Variants in IGFBP6 observed in about 807,000 individuals in gnomAD.
The protein encoded by IGFBP6 is insulin-like growth factor-binding protein 6.
A neutral mutation model predicts 24.5 loss-of-function variants in IGFBP6; 24 were observed. That is an observed-to-expected ratio of 0.98 (90% CI 0.71 to 1.38). The LOEUF is 1.38. Ranked by LOEUF, IGFBP6 falls within the 40% of genes most tolerant of loss-of-function variation. IGFBP6 has a pLI of 0.00. For missense variants in IGFBP6, 331 were observed against 324.8 expected (o/e 1.02, Z -0.15); for synonymous variants, 147 against 137.4 (o/e 1.07, Z -0.49).
Position 53,097,710 on chromosome 12 carries a change from C to T in IGFBP6, c.-8C>T, listed in dbSNP as rs1224494027. 3 of 1,543,580 alleles carry T rather than the reference C, an allele frequency of 1.9e-6. No individual in the cohort carries two copies. Among genetic ancestry groups the T allele is most frequent in the East Asian group, 2.5e-5 (1 of 40,756 alleles). On this transcript the variant is annotated 5_prime_UTR_variant, in exon 1 of 4. Coordinates refer to ENST00000301464, the MANE Select transcript of IGFBP6 (RefSeq NM_002178.3). The stretch of plus-strand genomic sequence containing the variant: ...CTGGAAGGAGAGGACGGGGCACAAA[C>T]CCTGACCATGACCCCCCACAGGCTG...
chr12:53,101,022 C>T lies in IGFBP6; in HGVS notation c.481-19C>T. The T allele has an allele frequency of 1.2e-6, 2 of 1,612,828 alleles. No homozygotes were observed. The highest frequency in any genetic ancestry group is 1.7e-6 in the Non-Finnish European group (2 of 1,179,160). On this transcript the variant is annotated intron_variant, in intron 2 of 3. Transcript: ENST00000301464. ...GCTGGGCTGGAGCGGTTCTAAGCTG[C>T]CTACTCTCCCTTCCCCAGGGCCCAT...
rs1937810787 is a variant in IGFBP6, at chr12:53,100,653, C to T, written c.335-59C>T. 5 of 1,574,214 alleles carry T rather than the reference C, an allele frequency of 3.2e-6. No homozygotes were observed. The South Asian group carries it at 3.3e-5, about 11-fold the overall frequency. On this transcript the variant is annotated intron_variant, in intron 1 of 3. Coordinates refer to ENST00000301464, the MANE Select transcript of IGFBP6 (RefSeq NM_002178.3). Reference sequence around the variant, plus strand: ...ACTTCAGCAGGTGATGTGGGCAAGGCCCTTCTCCACATGGCTCTGCCTGAT... The same window carrying T: ...ACTTCAGCAGGTGATGTGGGCAAGGTCCTTCTCCACATGGCTCTGCCTGAT...
chr12:53,098,076 C>G, intron 1 of IGFBP6, 25 bp downstream of exon 1: 1 of 1,407,580 alleles, frequency 7.1e-7, no homozygotes, highest in Non-Finnish European at 9.2e-7. Context: ...CGCCCCTGCC[C>G]CGCCCACGTG....
Position 53,097,993 on chromosome 12 carries a change from G to A in IGFBP6, c.276G>A (p.Ala92=), listed in dbSNP as rs537843144. ...LQCHPPKDDE[A]PLRALLLGRG... The stretch of plus-strand genomic sequence containing the variant: ...GCCATCCGCCCAAGGACGACGAGGC[G>A]CCTTTGCGGGCGCTGCTGCTCGGCC... The change falls in exon 1 of 4, where the codon GCG becomes GCA. Residue 92 remains alanine (A), a synonymous_variant. Coordinates refer to ENST00000301464, the MANE Select transcript of IGFBP6 (RefSeq NM_002178.3). The A allele has an allele frequency of 2.3e-5, 35 of 1,515,742 alleles. No individual in the cohort carries two copies. In the African/African-American group the frequency reaches 3.6e-4, roughly 15 times the overall value. The allele number at this position is 1,515,742 out of a possible 1,614,324, so 93.9% of individuals were successfully genotyped here.
rs1937771241 is a variant in IGFBP6, at chr12:53,098,042, G to A, written c.325G>A (p.Ala109Thr). ...LGRGRCLPAR[A>T]PAVAEENPKE... is the part of the protein sequence containing the mutation. ...CCGAGGCCGCTGCCTTCCGGCCCGC[G>A]CGCCTGCTGGTGAGTCCGCGCCCCG... Residue 109 changes from alanine to threonine, a missense_variant, in exon 1 of 4, where the codon GCG becomes ACG. Physicochemically the swap from Ala to Thr is moderately conservative, Grantham distance 58. Coordinates refer to ENST00000301464, the MANE Select transcript of IGFBP6 (RefSeq NM_002178.3). 6 of 1,459,404 alleles carry A rather than the reference G, an allele frequency of 4.1e-6. No individual in the cohort carries two copies. In the Middle Eastern group the frequency reaches 1.2e-3, roughly 280 times the overall value. The allele number at this position is 1,459,404 out of a possible 1,614,324, so 90.4% of individuals were successfully genotyped here.
rs758764785 is a variant in IGFBP6, at chr12:53,100,750, G to A, written c.373G>A (p.Gly125Ser). Residue 125 changes from glycine (G) to serine (S), a missense_variant, in exon 2 of 4, where the codon GGC becomes AGC. By Grantham distance (56) the Gly-to-Ser change is moderately conservative (BLOSUM62 0). Transcript: ENST00000301464. ...ENPKESKPQA[G>S]TARPQDVNRR... ...TCCTAAGGAGAGTAAACCCCAAGCA[G>A]GCACTGCCCGCCCACAGGATGTGAA... The A allele has an allele frequency of 1.2e-6, 2 of 1,614,158 alleles. No individual in the cohort carries two copies. Among genetic ancestry groups the A allele is most frequent in the African/African-American group, 1.3e-5 (1 of 75,054 alleles).
chr12:53,098,037 C>A lies in IGFBP6; in HGVS notation c.320C>A (p.Ala107Asp), dbSNP rs1937770612. Residue 107 changes from alanine (A) to aspartate (D), a missense_variant, in exon 1 of 4, where the codon GCC becomes GAC. Physicochemically the swap from Ala to Asp is moderately radical, Grantham distance 126. Coordinates refer to ENST00000301464, the MANE Select transcript of IGFBP6 (RefSeq NM_002178.3). ...LLLGRGRCLPARAPAVAEENP... is the reference protein window; with the variant it reads ...LLLGRGRCLPDRAPAVAEENP... ...CTCGGCCGAGGCCGCTGCCTTCCGG[C>A]CCGCGCGCCTGCTGGTGAGTCCGCG... is the stretch of plus-strand genomic sequence containing the variant. The A allele has an allele frequency of 2.7e-6, 4 of 1,466,564 alleles. No homozygotes were observed. The highest frequency in any genetic ancestry group is 2.7e-6 in the Non-Finnish European group (3 of 1,119,690). The allele number at this position is 1,466,564 out of a possible 1,614,324, so 90.8% of individuals were successfully genotyped here. A position where few individuals can be genotyped will look rare whatever the true frequency, so the allele number is the denominator to read the frequency against.
rs749990012 is a variant in IGFBP6 at position 53,101,177 on chromosome 12, TCTC to T, written c.600+23_600+25del. The T allele has an allele frequency of 2.5e-5, 40 of 1,611,334 alleles. No homozygotes were observed. The East Asian group carries it at 4.9e-4, about 20-fold the overall frequency. ...AAGCGGCAGGTGAGACTATTTTTCT[TCTC>T]CTCCTGCTCCAGCAGAAGGCTCCTG... On this transcript the variant is annotated intron_variant, in intron 3 of 3. Coordinates refer to ENST00000301464, the MANE Select transcript of IGFBP6 (RefSeq NM_002178.3).
intron 1 of IGFBP6, 106 bp downstream of exon 1, chr12:53,098,157 C>G (rs1937773706): frequency 7.9e-7 from 1 of 1,267,928 alleles, no homozygotes; most frequent in Non-Finnish European, 1.0e-6. Flanking sequence ...TCCGCCCTGG[C>G]CCTTGACGCT....
intron 1 of IGFBP6, among the ~76,000 whole-genome samples, chr12:53,099,802 A>AGTT (rs1324572959): frequency 6.6e-5 from 10 of 151,538 alleles, no homozygotes; most frequent in South Asian, 2.1e-4. Flanking sequence ...TTAAGTAATT[A>AGTT]ATTAATTTTT....
At chr12:53,098,091 C>T in intron 1 of IGFBP6, 40 bp downstream of exon 1, 1 of 1,393,530 alleles carries the variant, frequency 7.2e-7, no homozygotes, top group Non-Finnish European at 9.2e-7. Context: ...CACGTGAGAC[C>T]CGCGTCCTCC....
rs779389008 is a variant in IGFBP6 at position 53,097,979 on chromosome 12, A to G, written c.262A>G (p.Lys88Glu). Residue 88 changes from lysine (K) to glutamate (E), a missense_variant, in exon 1 of 4, where the codon AAG becomes GAG. Lys to Glu is a moderately conservative substitution (Grantham distance 56). Coordinates refer to ENST00000301464, the MANE Select transcript of IGFBP6 (RefSeq NM_002178.3). ...CAPGLQCHPPKDDEAPLRALL... is the reference protein window; with the variant it reads ...CAPGLQCHPPEDDEAPLRALL... ...CCCAGGACTGCAGTGCCATCCGCCC[A>G]AGGACGACGAGGCGCCTTTGCGGGC... 6.0e-5 allele frequency: 91 copies of G among 1,516,010 alleles called. No individual in the cohort carries two copies. Among genetic ancestry groups the G allele is most frequent in the Non-Finnish European group, 7.7e-5 (88 of 1,138,832 alleles). 93.9% of individuals were successfully genotyped at this position (1,516,010 alleles called of 1,614,324 possible).
chr12:53,097,878 C>A lies in IGFBP6; in HGVS notation c.161C>A (p.Ala54Asp). 2 of 1,517,132 alleles carry A rather than the reference C, an allele frequency of 1.3e-6. No homozygotes were observed. The highest frequency in any genetic ancestry group is 1.8e-6 in the Non-Finnish European group (2 of 1,135,736). The allele number at this position is 1,517,132 out of a possible 1,614,324, so 94.0% of individuals were successfully genotyped here. The change falls in exon 1 of 4, where the codon GCC becomes GAC. Residue 54 changes from alanine (A) to aspartate (D), a missense_variant. By Grantham distance (126) the Ala-to-Asp change is moderately radical. Coordinates refer to ENST00000301464, the MANE Select transcript of IGFBP6 (RefSeq NM_002178.3). ...CVEEEDGGSP[A>D]EGCAEAEGCL... The stretch of plus-strand genomic sequence containing the variant: ...GAGGAGGAGGATGGGGGGTCGCCAG[C>A]CGAGGGCTGCGCGGAAGCTGAGGGC...
chr12:53,101,384 C>T (rs1162752681), intron 3 of IGFBP6, among the ~76,000 whole-genome samples: 6 of 152,232 alleles, frequency 3.9e-5, no homozygotes. Context: ...CTCAGTGGCT[C>T]TTGAACTTGA....
rs1358394713 is a variant in IGFBP6, at chr12:53,098,032, T to G, written c.315T>G (p.Leu105=). The G allele has an allele frequency of 1.0e-5, 15 of 1,471,756 alleles. No individual in the cohort carries two copies. Among genetic ancestry groups the G allele is most frequent in the Admixed American group, 4.9e-5 (2 of 41,070 alleles). The allele number at this position is 1,471,756 out of a possible 1,614,324, so 91.2% of individuals were successfully genotyped here. The change falls in exon 1 of 4, where the codon CTT becomes CTG. Residue 105 remains leucine, a synonymous_variant. Coordinates refer to ENST00000301464, the MANE Select transcript of IGFBP6 (RefSeq NM_002178.3). ...RALLLGRGRC[L]PARAPAVAEE... ...TGCTGCTCGGCCGAGGCCGCTGCCT[T>G]CCGGCCCGCGCGCCTGCTGGTGAGT...
chr12:53,098,193 TG>T, intron 1 of IGFBP6, 142 bp downstream of exon 1: 2 of 1,047,494 alleles, frequency 1.9e-6, no homozygotes, highest in Non-Finnish European at 2.6e-6. Context: ...CACATTTGTG[TG>T]GGGGAGAAGG....
chr12:53,100,932 C>T (rs1453544081), intron 2 of IGFBP6, 75 bp downstream of exon 2: 2 of 1,605,024 alleles, frequency 1.2e-6, no homozygotes, highest in South Asian at 2.2e-5. Context: ...CTCCCTTGGG[C>T]TTGGAGACGT....
intron 3 of IGFBP6, 127 bp downstream of exon 3, chr12:53,101,287 G>A (rs1470023653): frequency 3.3e-6 from 3 of 907,476 alleles, no homozygotes; most frequent in Non-Finnish European, 5.0e-6. Flanking sequence ...AACTTTAGGA[G>A]AACATAGAGA....
Position 53,097,831 on chromosome 12 carries a change from G to C in IGFBP6, c.114G>C (p.Ala38=), listed in dbSNP as rs1280622116. The C allele has an allele frequency of 6.5e-7, 1 of 1,536,754 alleles. No individual in the cohort carries two copies. Among genetic ancestry groups the C allele is most frequent in the Non-Finnish European group, 8.7e-7 (1 of 1,143,716 alleles). ...RCPGCGQGVQ[A]GCPGGCVEEE... ...CAGGCTGCGGGCAAGGGGTGCAGGC[G>C]GGTTGTCCAGGGGGCTGCGTGGAGG... The change falls in exon 1 of 4, where the codon GCG becomes GCC. Residue 38 remains alanine, a synonymous_variant. Coordinates refer to ENST00000301464, the MANE Select transcript of IGFBP6 (RefSeq NM_002178.3).
Sources: allele counts gnomAD v4.1 joint callset (sites outside exome capture counted in the v4.1 genomes callset), GRCh38; gene constraint gnomAD v4.1.1; transcripts MANE v1.5; gene names NCBI Gene and HGNC (gene_info 2026-07-23, HGNC 2026-07-21).